The following UBE2K variants were observed in gnomAD, a reference collection of about 807,000 sequenced individuals.
UBE2K encodes ubiquitin-conjugating enzyme E2 K.
A neutral mutation model predicts 30.0 loss-of-function variants in UBE2K; 6 were observed. That is an observed-to-expected ratio of 0.20 (90% CI 0.11 to 0.39). The LOEUF is 0.39. Among genes scored for constraint, UBE2K ranks in the 10% least tolerant of loss-of-function variants. The pLI is 1.00. For synonymous variants in UBE2K, 86 were observed against 83.7 expected, an observed-to-expected ratio of 1.03 and a Z score of -0.15; for missense variants, 61 against 241.6, an observed-to-expected ratio of 0.25 and a Z score of 4.96.
At chr4:39,770,378 G>A in intron 4 of UBE2K, 1 of 1,613,322 alleles carries the variant, frequency 6.2e-7, no homozygotes, top group South Asian at 1.1e-5. Context: ...CACAGCGAGG[G>A]CACATGAAGA....
intron 3 of UBE2K, among the ~76,000 whole-genome samples, chr4:39,754,672 C>A (rs576593154): frequency 6.6e-5 from 10 of 152,042 alleles, no homozygotes; most frequent in African/African-American, 2.4e-4. Context: ...CCATGCCCAG[C>A]TAATTTTTTT....
chr4:39,708,823 GT>G (rs1261780902), intron 1 of UBE2K, among the ~76,000 whole-genome samples: 4 of 151,782 alleles, frequency 2.6e-5, no homozygotes, highest in African/African-American at 9.7e-5. Flanking sequence ...ATAATAAGTA[GT>G]TGGTTTTTGG....
rs1006849526 is a variant in UBE2K at position 39,779,410 on chromosome 4, G to A, written c.*976G>A. ...GTTTGCAGTTTTTAGCCTGATTTTGGGGTCTATAGAGATTGCTTTATTGGA... is the reference window on the plus strand; with the variant it reads ...GTTTGCAGTTTTTAGCCTGATTTTGAGGTCTATAGAGATTGCTTTATTGGA... On this transcript the variant is annotated 3_prime_UTR_variant, in exon 7 of 7. Transcript: ENST00000261427. The A allele has an allele frequency of 1.3e-5, 2 of 152,494 alleles. No homozygotes were observed. Among genetic ancestry groups the A allele is most frequent in the African/African-American group, 4.8e-5 (2 of 41,414 alleles). 9.4% of individuals were successfully genotyped at this position (152,494 alleles called of 1,614,324 possible). A position where few individuals can be genotyped will look rare whatever the true frequency, so the allele number is the denominator to read the frequency against.
At chr4:39,777,960 T>C in intron 6 of UBE2K, 150 bp downstream of exon 6, 1 of 648,888 alleles carries the variant, frequency 1.5e-6, no homozygotes, top group South Asian at 3.2e-5. Flanking sequence ...TAGCTGGACA[T>C]GGTAGTGAGT....
chr4:39,702,539 C>T (rs570316410), intron 1 of UBE2K, among the ~76,000 whole-genome samples: 1 of 152,212 alleles, frequency 6.6e-6, no homozygotes, highest in African/African-American at 2.4e-5. Context: ...CAGGAGTGAG[C>T]TACTGCACCT....
At chr4:39,725,183 T>G (rs997415324) in intron 1 of UBE2K, among the ~76,000 whole-genome samples, 7 of 151,808 alleles carry the variant, frequency 4.6e-5, no homozygotes, top group African/African-American at 1.7e-4. Context: ...GAATTTGAGA[T>G]TTGTAGACAA....
chr4:39,709,086 G>A (rs989645013), intron 1 of UBE2K, among the ~76,000 whole-genome samples: 2 of 151,918 alleles, frequency 1.3e-5, no homozygotes, highest in Non-Finnish European at 2.9e-5. Flanking sequence ...AAAACCTGAA[G>A]TACTGGCTCT....
At chr4:39,727,100 T>C (rs1163613045) in intron 1 of UBE2K, among the ~76,000 whole-genome samples, 1 of 152,238 alleles carries the variant, frequency 6.6e-6, no homozygotes, top group Non-Finnish European at 1.5e-5. Flanking sequence ...CAGGTTTCCT[T>C]GACTTCTGAC....
chr4:39,765,946 C>CACACAT (rs1438925675), intron 4 of UBE2K, among the ~76,000 whole-genome samples: 6 of 133,642 alleles, frequency 4.5e-5, no homozygotes, highest in Non-Finnish European at 6.5e-5. Context: ...CATACACACA[C>CACACAT]ACACATACAC....
At chr4:39,771,844 T>C (rs1712894539) in intron 4 of UBE2K, among the ~76,000 whole-genome samples, 1 of 152,132 alleles carries the variant, frequency 6.6e-6, no homozygotes, top group Non-Finnish European at 1.5e-5. Flanking sequence ...ACTTTTTGGC[T>C]AGGGGTGGAG....
chr4:39,737,768 A>G (rs188502257), intron 2 of UBE2K, among the ~76,000 whole-genome samples: 75 of 152,316 alleles, frequency 4.9e-4, no homozygotes, highest in Non-Finnish European at 9.0e-4. Flanking sequence ...TTAGAATTTA[A>G]TAGAATAAAA....
chr4:39,752,978 C>T (rs1721348896), intron 3 of UBE2K, among the ~76,000 whole-genome samples: 1 of 152,002 alleles, frequency 6.6e-6, no homozygotes, highest in Admixed American at 6.6e-5. Flanking sequence ...CATGATCGCA[C>T]CACTCCACTC....
At chr4:39,722,284 G>A (rs1719467732) in intron 1 of UBE2K, among the ~76,000 whole-genome samples, 1 of 152,096 alleles carries the variant, frequency 6.6e-6, no homozygotes, top group Non-Finnish European at 1.5e-5. Context: ...TAGTTTAGGT[G>A]TAAAGGTTTG....
At chr4:39,703,395 T>C (rs1322825475) in intron 1 of UBE2K, among the ~76,000 whole-genome samples, 1 of 151,956 alleles carries the variant, frequency 6.6e-6, no homozygotes, top group Non-Finnish European at 1.5e-5. Flanking sequence ...GTGCCTATAG[T>C]GGCAGCTACT....
chr4:39,741,132 G>A (rs1720680406), intron 2 of UBE2K, among the ~76,000 whole-genome samples: 1 of 152,028 alleles, frequency 6.6e-6, no homozygotes, highest in African/African-American at 2.4e-5. Context: ...TTAGCTGGGT[G>A]TGGTGGCGTG....
intron 1 of UBE2K, among the ~76,000 whole-genome samples, chr4:39,718,469 G>A (rs548401256): frequency 1.1e-4 from 17 of 152,356 alleles, no homozygotes; most frequent in African/African-American, 3.4e-4. Flanking sequence ...ATCTCGCACC[G>A]GGGCCACAGG....
intron 3 of UBE2K, among the ~76,000 whole-genome samples, chr4:39,750,170 G>A (rs977918309): frequency 2.0e-5 from 3 of 152,100 alleles, no homozygotes; most frequent in African/African-American, 7.2e-5. Context: ...CTCCAGCCTG[G>A]ACGACAGAGT....
chr4:39,722,799 C>CTT (rs58965981), intron 1 of UBE2K, among the ~76,000 whole-genome samples: 104 of 100,144 alleles, frequency 1.0e-3, no homozygotes, highest in African/African-American at 2.6e-3. Context: ...CTTTTTCTCT[C>CTT]TTTTTTTTTT....
At chr4:39,734,372 C>T (rs760609251) in intron 1 of UBE2K, among the ~76,000 whole-genome samples, 50 of 151,970 alleles carry the variant, frequency 3.3e-4, no homozygotes, top group Admixed American at 1.4e-3. Context: ...ACCGCATGCA[C>T]CTGACCAGAA....
Sources: gnomAD v4.1 joint callset for allele counts (sites outside exome capture counted in the v4.1 genomes callset) on GRCh38, gnomAD v4.1.1 for gene constraint, MANE v1.5 for transcripts, NCBI Gene and HGNC (gene_info 2026-07-23, HGNC 2026-07-21) for gene names.